Variants in PDZD2 observed in about 807,000 individuals in gnomAD.
The protein encoded by PDZD2 is PDZ domain containing 2.
PDZD2 carries 90 observed loss-of-function variants against 220.7 expected under a neutral mutation model. The ratio of observed to expected loss-of-function variants is 0.41; its 90% CI spans 0.34 to 0.49. The LOEUF (loss-of-function observed/expected upper bound fraction) is 0.49. PDZD2 is among the 20% of genes least tolerant of loss of function. PDZD2 has a pLI of 0.28. For synonymous variants in PDZD2, 1,375 were observed against 1,450.5 expected, an observed-to-expected ratio of 0.95 and a Z score of 1.18; for missense variants, 3,174 against 3,608.5, an observed-to-expected ratio of 0.88 and a Z score of 3.08.
rs548841163 is a variant in PDZD2 at position 31,737,389 on chromosome 5, G to A, written c.-360-61500G>A. Among the ~76,000 whole-genome samples, 15 of 152,092 alleles carry A rather than the reference G, an allele frequency of 9.9e-5. No individual in the cohort carries two copies. In the Middle Eastern group the frequency reaches 0.01, roughly 103 times the overall value. On this transcript the variant is annotated intron_variant, in intron 1 of 24. Transcript: ENST00000438447. ...GGGTTTCACCGTGTTAGCCAGGATGGTCTTGATCTCCTGACCTCGTGATCC... is the reference window on the plus strand; with the variant it reads ...GGGTTTCACCGTGTTAGCCAGGATGATCTTGATCTCCTGACCTCGTGATCC...
At chr5:31,915,388 C>G (rs531502400) in intron 2 of PDZD2, among the ~76,000 whole-genome samples, 1 of 152,318 alleles carries the variant, frequency 6.6e-6, no homozygotes, top group Non-Finnish European at 1.5e-5. Flanking sequence ...TCCACAGAGA[C>G]AGCAAACCCT....
At chr5:31,695,428 CCTCACACTTGTACAG>C (rs1219417529) in intron 1 of PDZD2, among the ~76,000 whole-genome samples, 3 of 152,206 alleles carry the variant, frequency 2.0e-5, no homozygotes, top group African/African-American at 7.2e-5. Context: ...CAGAATCTGA[CCTCACACTTGTACAG>C]CTCAGTTTCA....
intron 2 of PDZD2, among the ~76,000 whole-genome samples, chr5:31,959,910 G>A (rs1031380467): frequency 6.6e-6 from 1 of 151,990 alleles, no homozygotes; most frequent in African/African-American, 2.4e-5. Flanking sequence ...GGCATTCCTG[G>A]CATTTCTCGG....
chr5:31,649,116 G>A (rs965708527), intron 1 of PDZD2, among the ~76,000 whole-genome samples: 11 of 151,688 alleles, frequency 7.3e-5, no homozygotes, highest in South Asian at 2.1e-4. Flanking sequence ...GGGCCCAAGC[G>A]GTCCACCCGC....
intron 1 of PDZD2, among the ~76,000 whole-genome samples, chr5:31,724,110 C>T (rs1410320141): frequency 6.6e-6 from 1 of 152,190 alleles, no homozygotes; most frequent in Non-Finnish European, 1.5e-5. Flanking sequence ...TGTAAAAAAA[C>T]TAAGCAATAT....
intron 2 of PDZD2, among the ~76,000 whole-genome samples, chr5:31,979,454 C>T (rs1238911348): frequency 6.6e-6 from 1 of 151,912 alleles, no homozygotes; most frequent in African/African-American, 2.4e-5. Context: ...GTGGTGGGCA[C>T]CTGTAATTCT....
chr5:31,783,576 G>A (rs890353461), intron 1 of PDZD2, among the ~76,000 whole-genome samples: 6 of 152,154 alleles, frequency 3.9e-5, no homozygotes, highest in South Asian at 2.1e-4. Context: ...ACTTGGAGTC[G>A]TCCAACCAGG....
Position 32,098,302 on chromosome 5 carries a change from C to T in PDZD2, c.7948-62C>T. On this transcript the variant is annotated intron_variant, in intron 22 of 24. Coordinates refer to ENST00000438447, the MANE Select transcript of PDZD2 (RefSeq NM_178140.4). This position sits in a 1 kb window ranked among gnomAD's most constrained non-coding sequence, Gnocchi z 4.1. ...ACAGATACGCAGTTAGTTACTATCT[C>T]CCTTTTACCGGAAATCGTAAGTGGA... The T allele has an allele frequency of 6.6e-7, 1 of 1,520,664 alleles. No homozygotes were observed. The highest frequency in any genetic ancestry group is 9.0e-7 in the Non-Finnish European group (1 of 1,109,286). 94.2% of individuals were successfully genotyped at this position (1,520,664 alleles called of 1,614,324 possible).
At chr5:31,659,687 T>C (rs1745688602) in intron 1 of PDZD2, among the ~76,000 whole-genome samples, 3 of 152,234 alleles carry the variant, frequency 2.0e-5, no homozygotes, top group Admixed American at 2.0e-4. Context: ...ATTTCTGGTC[T>C]GGAAGCCAGA....
At chr5:31,736,259 C>T (rs1040515006) in intron 1 of PDZD2, among the ~76,000 whole-genome samples, 7 of 152,266 alleles carry the variant, frequency 4.6e-5, no homozygotes, top group African/African-American at 1.7e-4. Context: ...ATCTTCCTGT[C>T]ACTGCTCGCG....
intron 1 of PDZD2, among the ~76,000 whole-genome samples, chr5:31,681,460 C>T (rs185248855): frequency 3.4e-4 from 52 of 152,234 alleles, no homozygotes; most frequent in Admixed American, 4.6e-4. Flanking sequence ...GTTGGTCTGG[C>T]TGGTCTTGAA....
chr5:31,983,299 C>G lies in PDZD2; in HGVS notation c.621C>G (p.Asp207Glu), dbSNP rs201990765. The G allele has an allele frequency of 1.9e-6, 3 of 1,614,172 alleles. No individual in the cohort carries two copies. Among genetic ancestry groups the G allele is most frequent in the Non-Finnish European group, 2.5e-6 (3 of 1,180,020 alleles). The change falls in exon 3 of 25, where the codon GAC becomes GAG. Residue 207 changes from aspartate (D) to glutamate (E), a missense_variant. By Grantham distance (45) the Asp-to-Glu change is conservative. Transcript: ENST00000438447. ...AAACACCTACCTTGGAGCTGGGTGACCGAACTGCGAAAAAGGGGAAACGAA... is the reference window on the plus strand; with the variant it reads ...AAACACCTACCTTGGAGCTGGGTGAGCGAACTGCGAAAAAGGGGAAACGAA... ...PGETPTLELG[D>E]RTAKKGKRTR... is the part of the protein sequence containing the mutation.
chr5:31,942,924 C>T (rs910390240), intron 2 of PDZD2, among the ~76,000 whole-genome samples: 2 of 152,136 alleles, frequency 1.3e-5, no homozygotes, highest in Admixed American at 6.5e-5. Flanking sequence ...GAGACAAGGC[C>T]GGGCACGGTG....
chr5:32,095,630 C>G (rs1269438019), intron 21 of PDZD2, among the ~76,000 whole-genome samples: 1 of 150,054 alleles, frequency 6.7e-6, no homozygotes, highest in Non-Finnish European at 1.5e-5. Flanking sequence ...TCTAGCATAT[C>G]TGTGTCCTTA....
intron 7 of PDZD2, among the ~76,000 whole-genome samples, chr5:32,038,349 G>A (rs574485679): frequency 6.6e-6 from 1 of 150,512 alleles, no homozygotes; most frequent in African/African-American, 2.4e-5. Context: ...CCAACATGGT[G>A]AAACCCCGTC....
Position 32,081,593 on chromosome 5 carries a change from G to A in PDZD2, c.3682+3987G>A, listed in dbSNP as rs1741961820. On this transcript the variant is annotated intron_variant, in intron 19 of 24. Transcript: ENST00000438447. ...TAGGTATTTCTCTCTCCTTCCCAAT[G>A]AAAAGGCTATCTGTGACCAGTTGGT... Among the ~76,000 whole-genome samples, 3 of 152,308 alleles carry A rather than the reference G, an allele frequency of 2.0e-5. No homozygotes were observed. The South Asian group carries it at 6.2e-4, about 32-fold the overall frequency.
At chr5:31,773,126 AC>A (rs1387911523) in intron 1 of PDZD2, among the ~76,000 whole-genome samples, 1 of 152,234 alleles carries the variant, frequency 6.6e-6, no homozygotes, top group African/African-American at 2.4e-5. Context: ...AGTCGTTGGT[AC>A]AGGGAGCATG....
At chr5:31,806,190 G>A (rs1580793417) in intron 2 of PDZD2, among the ~76,000 whole-genome samples, 1 of 152,118 alleles carries the variant, frequency 6.6e-6, no homozygotes, top group African/African-American at 2.4e-5. Flanking sequence ...GTTTTTTGAT[G>A]AGGACACTCT....
chr5:31,809,242 C>T lies in PDZD2; in HGVS notation c.476+9518C>T, dbSNP rs139072931. On this transcript the variant is annotated intron_variant, in intron 2 of 24. Coordinates refer to ENST00000438447, the MANE Select transcript of PDZD2 (RefSeq NM_178140.4). ...CAAGCTGTGAGGATCTGAGGGCCGT[C>T]GCCTGCCATCTTGTGGTTGAAATCC... is the stretch of plus-strand genomic sequence containing the variant. Among the ~76,000 whole-genome samples the T allele has an allele frequency of 2.0e-3, 306 of 152,238 alleles. 8 individuals are homozygous for T. In the South Asian group the frequency reaches 0.03, roughly 15 times the overall value.
Sources: allele counts gnomAD v4.1 joint callset (sites outside exome capture counted in the v4.1 genomes callset), GRCh38; gene constraint gnomAD v4.1.1; non-coding constraint Gnocchi (gnomAD v3.1); transcripts MANE v1.5; gene names NCBI Gene and HGNC (gene_info 2026-07-23, HGNC 2026-07-21).